The following CACNA1A variants were observed in gnomAD, a reference collection of about 807,000 sequenced individuals.
CACNA1A encodes voltage-dependent P/Q-type calcium channel subunit alpha-1A.
Under a neutral mutation model 262.4 loss-of-function variants are expected in CACNA1A, and 57 were observed. That is an observed-to-expected ratio of 0.22 (90% CI 0.18 to 0.27). The LOEUF (loss-of-function observed/expected upper bound fraction) is 0.27, where lower values mean the gene tolerates loss of function less well. CACNA1A is among the 10% of genes least tolerant of loss of function. The pLI is 1.00. For missense variants in CACNA1A, 2,526 were observed against 3,562.8 expected, an observed-to-expected ratio of 0.71 and a Z score of 7.41; for synonymous variants, 1,431 against 1,419.3, an observed-to-expected ratio of 1.01 and a Z score of -0.18.
rs1023685975 is a variant in CACNA1A, at chr19:13,474,855, C to T, written c.294-19643G>A. 3.3e-5 allele frequency among the ~76,000 whole-genome samples: 5 copies of T among 151,914 alleles called. No individual in the cohort carries two copies. In the East Asian group the frequency reaches 9.7e-4, roughly 29 times the overall value. ...ATGCAATGAGTTAAAACAGACATTC[C>T]TTCACCCCTTAGCAGACACTAAGTG... On this transcript the variant is annotated intron_variant, in intron 1 of 46. Coordinates refer to ENST00000360228, the MANE Select transcript of CACNA1A (RefSeq NM_001127222.2).
intron 3 of CACNA1A, among the ~76,000 whole-genome samples, chr19:13,402,825 CAT>C (rs745517782): frequency 1.3e-4 from 17 of 130,620 alleles, no homozygotes; most frequent in Non-Finnish European, 2.1e-4. Flanking sequence ...TATATACACA[CAT>C]ATATATACAT....
chr19:13,371,535 C>T, intron 4 of CACNA1A, 153 bp downstream of exon 4: 1 of 623,114 alleles, frequency 1.6e-6, no homozygotes, highest in South Asian at 2.0e-5. Flanking sequence ...AGTCATATTC[C>T]TAGGGGGTTC....
intron 31 of CACNA1A, among the ~76,000 whole-genome samples, chr19:13,242,910 AG>A (rs997864906): frequency 1.7e-4 from 26 of 152,304 alleles, no homozygotes; most frequent in Admixed American, 1.6e-3. Flanking sequence ...GGCTACTGCA[AG>A]GGTCCTGATG....
chr19:13,464,829 T>A (rs539528516), intron 1 of CACNA1A, among the ~76,000 whole-genome samples: 1 of 152,166 alleles, frequency 6.6e-6, no homozygotes, highest in South Asian at 2.1e-4. Context: ...ATTACAGGCG[T>A]GAGCCACTGC....
rs541733913 is a variant in CACNA1A, at chr19:13,456,126, G to C, written c.294-914C>G. ...GATCATGCCACTGCACTCTAGCCTG[G>C]GCAACAGAGCAAGACTCCATCTCAA... On this transcript the variant is annotated intron_variant, in intron 1 of 46. Transcript: ENST00000360228. Among the ~76,000 whole-genome samples the C allele has an allele frequency of 1.7e-3, 256 of 151,444 alleles. 2 individuals carry two copies. The highest frequency in any genetic ancestry group is 5.9e-3 in the African/African-American group (242 of 41,292).
At position 13,506,404 on chromosome 19, in the gene CACNA1A, T is replaced by G; in HGVS notation, c.-180A>C. ...GGCGGCGGCGGCTCGGCGCCTCGGGTCGGGGGCTCAGAAGGCGGCTGCCCG... is the reference window on the plus strand; with the variant it reads ...GGCGGCGGCGGCTCGGCGCCTCGGGGCGGGGGCTCAGAAGGCGGCTGCCCG... On this transcript the variant is annotated 5_prime_UTR_variant, in exon 1 of 47. Coordinates refer to ENST00000360228, the MANE Select transcript of CACNA1A (RefSeq NM_001127222.2). 2 of 424,004 alleles carry G rather than the reference T, an allele frequency of 4.7e-6. No individual in the cohort carries two copies. The highest frequency in any genetic ancestry group is 7.8e-6 in the Non-Finnish European group (2 of 256,862). The allele number at this position is 424,004 out of a possible 1,614,324, so 26.3% of individuals were successfully genotyped here. A position where few individuals can be genotyped will look rare whatever the true frequency, so the allele number is the denominator to read the frequency against.
chr19:13,227,669 GAA>G (rs2055510058), intron 36 of CACNA1A, 142 bp from the exon 37 acceptor site: 1 of 382,454 alleles, frequency 2.6e-6, no homozygotes, highest in South Asian at 9.9e-5. Flanking sequence ...AATAGAGAGA[GAA>G]AGATGCAGAG....
intron 5 of CACNA1A, chr19:13,362,921 C>A (rs958960681): frequency 1.3e-5 from 2 of 152,398 alleles, no homozygotes; most frequent in African/African-American, 2.4e-5. Flanking sequence ...CCTCAACCCC[C>A]CAACCACCGA....
intron 11 of CACNA1A, among the ~76,000 whole-genome samples, chr19:13,313,802 T>C (rs1409565957): frequency 6.6e-6 from 1 of 152,168 alleles, no homozygotes; most frequent in South Asian, 2.1e-4. Flanking sequence ...AACAATTATA[T>C]TTAATCTACT....
At chr19:13,459,785 T>C (rs962645047) in intron 1 of CACNA1A, among the ~76,000 whole-genome samples, 2 of 152,182 alleles carry the variant, frequency 1.3e-5, no homozygotes, top group African/African-American at 4.8e-5. Context: ...ATGGCAGGGA[T>C]GTGACTTCCT....
At chr19:13,329,804 C>A (rs1026577822) in intron 10 of CACNA1A, among the ~76,000 whole-genome samples, 15 of 145,320 alleles carry the variant, frequency 1.0e-4, no homozygotes, top group Non-Finnish European at 2.2e-4. Context: ...TTTCTGTGCC[C>A]AGGCTGGAGT....
chr19:13,264,005 G>A (rs1271409502), intron 24 of CACNA1A, among the ~76,000 whole-genome samples: 1 of 152,180 alleles, frequency 6.6e-6, no homozygotes, highest in Non-Finnish European at 1.5e-5. Flanking sequence ...AGATGCTGAT[G>A]TGGCTGCTGC....
At chr19:13,353,881 GA>G (rs772925055) in intron 6 of CACNA1A, among the ~76,000 whole-genome samples, 4 of 152,090 alleles carry the variant, frequency 2.6e-5, no homozygotes, top group Non-Finnish European at 5.9e-5. Context: ...CTAGACTAAG[GA>G]ACCACCCATC....
chr19:13,409,260 A>T (rs2060067683), intron 3 of CACNA1A, among the ~76,000 whole-genome samples: 1 of 152,126 alleles, frequency 6.6e-6, no homozygotes, highest in Non-Finnish European at 1.5e-5. Context: ...TTGAGGTATA[A>T]AGACTTAAAA....
At chr19:13,221,901 TTTTTTA>T (rs1263417035) in intron 38 of CACNA1A, among the ~76,000 whole-genome samples, 1 of 152,064 alleles carries the variant, frequency 6.6e-6, no homozygotes, top group Non-Finnish European at 1.5e-5. Context: ...TTTCTCGGTA[TTTTTTA>T]TTTTTATTTT....
At chr19:13,281,548 G>A (rs1186579326) in intron 22 of CACNA1A, among the ~76,000 whole-genome samples, 7 of 151,868 alleles carry the variant, frequency 4.6e-5, no homozygotes. Context: ...CCTGGGCATC[G>A]GCGGGTGCTG....
In CACNA1A at chr19:13,298,624, TCTC is replaced by T. The variant is rs763302316; in HGVS notation, c.3006_3008del (p.Arg1004del). 5.9e-6 allele frequency: 9 copies of T among 1,529,298 alleles called. No homozygotes were observed. The highest frequency in any genetic ancestry group is 7.0e-6 in the Non-Finnish European group (8 of 1,137,274). 94.7% of individuals were successfully genotyped at this position (1,529,298 alleles called of 1,614,324 possible). A position where few individuals can be genotyped will look rare whatever the true frequency, so the allele number is the denominator to read the frequency against. The stretch of plus-strand genomic sequence containing the variant: ...TGGCTGGAGCGCCATGCCGGTGCCT[TCTC>T]CTGCGCTCGCCCCCGTCGGGGCCCT... On this transcript the variant is annotated inframe_deletion, in exon 19 of 47. Coordinates refer to ENST00000360228, the MANE Select transcript of CACNA1A (RefSeq NM_001127222.2).
chr19:13,392,613 G>T lies in CACNA1A; in HGVS notation c.540-20834C>A, dbSNP rs114605552. Among the ~76,000 whole-genome samples the T allele has an allele frequency of 4.2e-3, 642 of 152,318 alleles. 5 individuals are homozygous for T. The highest frequency in any genetic ancestry group is 0.014 in the African/African-American group (598 of 41,572). The stretch of plus-strand genomic sequence containing the variant: ...AAACAAACTCTCATTCACAGGTGGT[G>T]GGAGTTTTAACTGGTCCAACCACTT... On this transcript the variant is annotated intron_variant, in intron 3 of 46. Transcript: ENST00000360228.
At chr19:13,502,717 G>C (rs1442748894) in intron 1 of CACNA1A, among the ~76,000 whole-genome samples, 1 of 152,152 alleles carries the variant, frequency 6.6e-6, no homozygotes, top group African/African-American at 2.4e-5. Flanking sequence ...TGAAATAAAT[G>C]AGGATTCTTA....
Sources: gnomAD v4.1 joint callset for allele counts (sites outside exome capture counted in the v4.1 genomes callset) on GRCh38, gnomAD v4.1.1 for gene constraint, MANE v1.5 for transcripts, NCBI Gene and HGNC (gene_info 2026-07-23, HGNC 2026-07-21) for gene names.